Variants in CHD2 observed in about 807,000 individuals in gnomAD.
The protein encoded by CHD2 is ATP-dependent chromatin remodeler CHD2.
Under a neutral mutation model 243.9 loss-of-function variants are expected in CHD2, and 28 were observed. That is an observed-to-expected ratio of 0.11 (90% confidence interval 0.09 to 0.16). CHD2 has a LOEUF of 0.16. CHD2 is among the 10% of genes least tolerant of loss of function. CHD2 has a pLI of 1.00. For synonymous variants in CHD2, 775 were observed against 779.0 expected (o/e 0.99, Z 0.09); for missense variants, 1,386 against 2,209.8 (o/e 0.63, Z 7.47).
rs2054592208 is a variant in CHD2 at position 93,027,030 on chromosome 15, T to C, written c.*2325T>C. ...CACATTTAGGACTCTCAGTGCCATA[T>C]GAAGTAGCAAAAGGCAGTATCGGCC... is the stretch of plus-strand genomic sequence containing the variant. On this transcript the variant is annotated 3_prime_UTR_variant, in exon 39 of 39. Coordinates refer to ENST00000394196, the MANE Select transcript of CHD2 (RefSeq NM_001271.4). The C allele has an allele frequency of 1.3e-5, 2 of 152,692 alleles. No individual in the cohort carries two copies. Among genetic ancestry groups the C allele is most frequent in the African/African-American group, 2.4e-5 (1 of 41,466 alleles). 9.5% of individuals were successfully genotyped at this position (152,692 alleles called of 1,614,324 possible). A position where few individuals can be genotyped will look rare whatever the true frequency, so the allele number is the denominator to read the frequency against.
Position 92,955,408 on chromosome 15 carries a change from GT to G in CHD2, c.1720-8del, listed in dbSNP as rs770321302. 6 of 1,510,346 alleles carry G rather than the reference GT, an allele frequency of 4.0e-6. No individual in the cohort carries two copies. Among genetic ancestry groups the G allele is most frequent in the South Asian group, 1.3e-5 (1 of 78,744 alleles). The allele number at this position is 1,510,346 out of a possible 1,614,324, so 93.6% of individuals were successfully genotyped here. ...GAAGTAGAAATTATGTCTTAATTAT[GT>G]TTTTTTCTTATAGATACGGGAATAT... On this transcript the variant is annotated splice_polypyrimidine_tract_variant and intron_variant, in intron 14 of 38. Coordinates refer to ENST00000394196, the MANE Select transcript of CHD2 (RefSeq NM_001271.4).
At chr15:93,022,530 C>A (rs1207578858) in intron 38 of CHD2, among the ~76,000 whole-genome samples, 1 of 152,228 alleles carries the variant, frequency 6.6e-6, no homozygotes. Context: ...GATGCCAGTT[C>A]TTTGTGAGCA....
At chr15:92,924,021 TCATTTGAATGAAGG>T (rs2053011017) in intron 2 of CHD2, among the ~76,000 whole-genome samples, 1 of 152,190 alleles carries the variant, frequency 6.6e-6, no homozygotes, top group Non-Finnish European at 1.5e-5. Context: ...CAGTTCAGCC[TCATTTGAATGAAGG>T]GGACAGTAAT....
Position 92,976,898 on chromosome 15 carries a change from C to CA in CHD2, c.2578-1321dup, listed in dbSNP as rs749191067. Among the ~76,000 whole-genome samples, 840 of 124,486 alleles carry CA rather than the reference C, an allele frequency of 6.7e-3. 8 individuals carry two copies. Among genetic ancestry groups the CA allele is most frequent in the African/African-American group, 0.021 (699 of 33,534 alleles). 81.7% of individuals were successfully genotyped at this position (124,486 alleles called of 152,430 possible). ...TGGGTGACAGAATGAGACCCTGTCT[C>CA]AAAAAAAAAAAAAAATTTTTTTTTT... On this transcript the variant is annotated intron_variant, in intron 20 of 38. Coordinates refer to ENST00000394196, the MANE Select transcript of CHD2 (RefSeq NM_001271.4).
At chr15:92,916,326 A>G (rs1297293496) in intron 2 of CHD2, among the ~76,000 whole-genome samples, 1 of 152,240 alleles carries the variant, frequency 6.6e-6, no homozygotes, top group Non-Finnish European at 1.5e-5. Flanking sequence ...TGTTTCAGAT[A>G]CTTTTGGGCT....
At chr15:93,015,400 T>C (rs73456496) in intron 37 of CHD2, among the ~76,000 whole-genome samples, 118 of 152,196 alleles carry the variant, frequency 7.8e-4, no homozygotes, top group African/African-American at 2.7e-3. Context: ...TATTTCAACT[T>C]CCGATTAAGA....
At chr15:92,902,002 C>T (rs1311154643) in intron 2 of CHD2, 4 of 385,926 alleles carry the variant, frequency 1.0e-5, no homozygotes, top group South Asian at 1.4e-4. Context: ...TTAATATATA[C>T]TTCTATTTTG....
At chr15:92,940,764 A>AAT (rs1017620537) in intron 7 of CHD2, among the ~76,000 whole-genome samples, 7 of 144,096 alleles carry the variant, frequency 4.9e-5, no homozygotes, top group Non-Finnish European at 7.5e-5. Context: ...CATATATAAA[A>AAT]ATATATATAA....
intron 2 of CHD2, among the ~76,000 whole-genome samples, chr15:92,915,531 A>C (rs920803324): frequency 6.6e-6 from 1 of 152,176 alleles, no homozygotes. Context: ...TCGGCCTCCC[A>C]AAGTGCTGGG....
chr15:92,947,748 G>C (rs1397515302), intron 12 of CHD2, among the ~76,000 whole-genome samples: 1 of 152,146 alleles, frequency 6.6e-6, no homozygotes, highest in Non-Finnish European at 1.5e-5. Context: ...GGTTTGGTAG[G>C]AGTGGATGGA....
In CHD2 at chr15:92,999,083, C is replaced by CAAAAAAAAAAAAA. The variant is rs55738843; in HGVS notation, c.4008+484_4008+496dup. ...TGGGCAACAGAGCGAGACTCCGTCTCAAAAAAAAAAAAAAAAAAAAAAAAA... is the reference window on the plus strand; with the variant it reads ...TGGGCAACAGAGCGAGACTCCGTCTCAAAAAAAAAAAAAAAAAAAAAAAAAAAAAAAAAAAAAA... On this transcript the variant is annotated intron_variant, in intron 31 of 38. Coordinates refer to ENST00000394196, the MANE Select transcript of CHD2 (RefSeq NM_001271.4). Among the ~76,000 whole-genome samples, 45 of 65,530 alleles carry CAAAAAAAAAAAAA rather than the reference C, an allele frequency of 6.9e-4. 1 individual carries two copies. The highest frequency in any genetic ancestry group is 1.5e-3 in the Admixed American group (7 of 4,686). 43.0% of individuals were successfully genotyped at this position (65,530 alleles called of 152,430 possible).
intron 16 of CHD2, among the ~76,000 whole-genome samples, chr15:92,960,970 T>C (rs949078921): frequency 6.6e-6 from 1 of 152,108 alleles, no homozygotes; most frequent in African/African-American, 2.4e-5. Context: ...TGCATCTGCC[T>C]GTCTCCGCCG....
intron 7 of CHD2, 80 bp downstream of exon 7, chr15:92,939,798 G>A: frequency 7.0e-7 from 1 of 1,435,714 alleles, no homozygotes; most frequent in Admixed American, 2.1e-5. Context: ...TAAGTCCGGG[G>A]TTGTGCACTT....
At chr15:92,931,250 A>G (rs1437202234) in intron 5 of CHD2, among the ~76,000 whole-genome samples, 8 of 152,232 alleles carry the variant, frequency 5.3e-5, no homozygotes, top group Admixed American at 2.0e-4. Flanking sequence ...AAAAGGGACC[A>G]TTTTGTAAAA....
chr15:92,987,107 C>G (rs2054053295), intron 26 of CHD2, among the ~76,000 whole-genome samples: 1 of 152,090 alleles, frequency 6.6e-6, no homozygotes, highest in Admixed American at 6.6e-5. Context: ...ATTTGTTCTT[C>G]AATTGTTAGT....
chr15:92,996,531 T>G (rs1228439340), intron 28 of CHD2, among the ~76,000 whole-genome samples: 3 of 152,314 alleles, frequency 2.0e-5, no homozygotes, highest in East Asian at 3.9e-4. Flanking sequence ...CTTAAGCTCA[T>G]GTGTTTTCAG....
chr15:93,012,010 C>G (rs1212378678), intron 35 of CHD2, among the ~76,000 whole-genome samples: 1 of 152,028 alleles, frequency 6.6e-6, no homozygotes, highest in Non-Finnish European at 1.5e-5. Context: ...TCTCTAAATC[C>G]CTCTGTCAGA....
chr15:92,912,423 C>G (rs2052754476), intron 2 of CHD2, among the ~76,000 whole-genome samples: 1 of 152,236 alleles, frequency 6.6e-6, no homozygotes, highest in Non-Finnish European at 1.5e-5. Flanking sequence ...GTGGCGCAGT[C>G]TCGGCTTACT....
intron 17 of CHD2, among the ~76,000 whole-genome samples, chr15:92,969,341 C>A (rs2053809128): frequency 6.6e-6 from 1 of 152,238 alleles, no homozygotes; most frequent in Admixed American, 6.5e-5. Flanking sequence ...TTCAGGGCCA[C>A]CAGCGTTCCC....
Sources: gnomAD v4.1 joint callset for allele counts (sites outside exome capture counted in the v4.1 genomes callset) on GRCh38, gnomAD v4.1.1 for gene constraint, MANE v1.5 for transcripts, NCBI Gene and HGNC (gene_info 2026-07-23, HGNC 2026-07-21) for gene names.